The following ERP27 variants were observed in gnomAD, a reference collection of about 807,000 sequenced individuals.
The protein encoded by ERP27 is endoplasmic reticulum resident protein 27.
Under a neutral mutation model 27.7 loss-of-function variants are expected in ERP27, and 23 were observed. The observed-to-expected ratio is 0.83, with a 90% CI of 0.60 to 1.18. The LOEUF (loss-of-function observed/expected upper bound fraction) is 1.18. ERP27 is among the 50% of genes most tolerant of loss of function. The probability of loss-of-function intolerance (pLI) is 0.00; values close to 1 mark genes in which losing one functional copy is unlikely to be tolerated. For missense variants in ERP27, 363 were observed against 327.9 expected, an observed-to-expected ratio of 1.11 and a Z score of -0.83; for synonymous variants, 159 against 118.3, an observed-to-expected ratio of 1.34 and a Z score of -2.23.
At chr12:14,928,606 A>T (rs1353818390) in intron 3 of ERP27, among the ~76,000 whole-genome samples, 1 of 152,244 alleles carries the variant, frequency 6.6e-6, no homozygotes, top group African/African-American at 2.4e-5. Context: ...GGACTGCTTT[A>T]TACAATTTAA....
rs145378696 is a variant in ERP27 at position 14,936,331 on chromosome 12, G to A, written c.196-1338C>T. 3.3e-3 allele frequency among the ~76,000 whole-genome samples: 503 copies of A among 152,266 alleles called. 3 individuals carry two copies. Among genetic ancestry groups the A allele is most frequent in the African/African-American group, 0.011 (457 of 41,544 alleles). On this transcript the variant is annotated intron_variant, in intron 2 of 6. Transcript: ENST00000266397. ...CTTTGCACATGAAGATGCTGTTCAC[G>A]CATTCAACTCTGCAGCCCAGGCCTG...
At chr12:14,938,182 A>G in intron 1 of ERP27, 130 bp from the exon 2 acceptor site, 1 of 797,114 alleles carries the variant, frequency 1.3e-6, no homozygotes, top group Admixed American at 2.3e-5. Context: ...TACTGTTGGC[A>G]TTCCAAGGCA....
Position 14,924,739 on chromosome 12 carries a change from A to G in ERP27, c.334-3691T>C, listed in dbSNP as rs1863571428. ...CCATCTTGAATAGGGGATAGGAAAA[A>G]TGAGCTGAGACCTACTGGGCTGCAT... On this transcript the variant is annotated intron_variant, in intron 3 of 6. Transcript: ENST00000266397. Among the ~76,000 whole-genome samples the G allele has an allele frequency of 2.0e-5, 3 of 152,228 alleles. No individual in the cohort carries two copies. In the South Asian group the frequency reaches 6.2e-4, roughly 31 times the overall value.
intron 4 of ERP27, among the ~76,000 whole-genome samples, chr12:14,919,846 C>T (rs1056474460): frequency 6.6e-6 from 1 of 152,158 alleles, no homozygotes; most frequent in African/African-American, 2.4e-5. Context: ...TTAAATTATG[C>T]CTTTTCTATT....
chr12:14,928,834 ACCT>A, intron 3 of ERP27: 1 of 1,109,230 alleles, frequency 9.0e-7, no homozygotes, highest in Non-Finnish European at 1.3e-6. Flanking sequence ...CCCTCCTACC[ACCT>A]CCTTCCCCTT....
At chr12:14,922,902 C>G (rs1863528370) in intron 3 of ERP27, among the ~76,000 whole-genome samples, 1 of 152,062 alleles carries the variant, frequency 6.6e-6, no homozygotes, top group Non-Finnish European at 1.5e-5. Flanking sequence ...TGGTGAAACC[C>G]TGTCTCTACT....
In ERP27 at chr12:14,914,489, G is replaced by A. The variant is rs1449318470; in HGVS notation, c.*246C>T. On this transcript the variant is annotated 3_prime_UTR_variant, in exon 7 of 7. Coordinates refer to ENST00000266397, the MANE Select transcript of ERP27 (RefSeq NM_152321.4). ...TGCACGATAAGAAGGAAATTGGATA[G>A]GGAGTGAGGATATGAAATTTAAAAG... The A allele has an allele frequency of 6.1e-6, 3 of 494,904 alleles. No homozygotes were observed. The South Asian group carries it at 1.0e-4, about 17-fold the overall frequency. 30.7% of individuals were successfully genotyped at this position (494,904 alleles called of 1,614,324 possible).
chr12:14,930,211 A>C (rs1863678059), intron 3 of ERP27, among the ~76,000 whole-genome samples: 1 of 152,130 alleles, frequency 6.6e-6, no homozygotes, highest in Non-Finnish European at 1.5e-5. Flanking sequence ...TAAAATAAAA[A>C]ATGTTTTATA....
chr12:14,938,337 C>A (rs1863803148), intron 1 of ERP27, 78 bp downstream of exon 1: 6 of 1,437,296 alleles, frequency 4.2e-6, no homozygotes, highest in African/African-American at 1.4e-5. Context: ...GAAAAGTACC[C>A]AGAGAACCAC....
At chr12:14,917,685 T>G (rs569287245) in intron 4 of ERP27, among the ~76,000 whole-genome samples, 1 of 152,340 alleles carries the variant, frequency 6.6e-6, no homozygotes, top group Non-Finnish European at 1.5e-5. Context: ...GGCCAGGAAC[T>G]AAGTCCTTCT....
intron 5 of ERP27, among the ~76,000 whole-genome samples, chr12:14,916,407 T>C (rs766218600): frequency 6.6e-6 from 1 of 152,168 alleles, no homozygotes; most frequent in Non-Finnish European, 1.5e-5. Flanking sequence ...GTTTTCTCAT[T>C]GGCAAAATGG....
chr12:14,927,111 CTG>C (rs1259687620), intron 3 of ERP27, among the ~76,000 whole-genome samples: 1 of 152,110 alleles, frequency 6.6e-6, no homozygotes, highest in African/African-American at 2.4e-5. Context: ...CTGCATTCCA[CTG>C]TTGCTATTGA....
intron 3 of ERP27, chr12:14,929,115 C>T: frequency 1.3e-6 from 2 of 1,484,300 alleles, no homozygotes; most frequent in Non-Finnish European, 1.8e-6. Context: ...CCTCAGCTCA[C>T]ATCGCTGTGC....
chr12:14,926,319 G>C (rs1257630920), intron 3 of ERP27, among the ~76,000 whole-genome samples: 1 of 152,186 alleles, frequency 6.6e-6, no homozygotes, highest in African/African-American at 2.4e-5. Flanking sequence ...TCTTTTGGAA[G>C]TGTTTGCATG....
intron 3 of ERP27, among the ~76,000 whole-genome samples, chr12:14,933,746 C>T (rs1017984161): frequency 6.6e-6 from 1 of 152,218 alleles, no homozygotes; most frequent in Admixed American, 6.5e-5. Context: ...CATGACCTCA[C>T]TATTCTTAGA....
In ERP27 at chr12:14,935,000, A is replaced by G; in HGVS notation, c.196-7T>C. 3 of 1,613,250 alleles carry G rather than the reference A, an allele frequency of 1.9e-6. No homozygotes were observed. Among genetic ancestry groups the G allele is most frequent in the Non-Finnish European group, 2.5e-6 (3 of 1,179,578 alleles). On this transcript the variant is annotated splice_region_variant and splice_polypyrimidine_tract_variant and intron_variant, in intron 2 of 6. Coordinates refer to ENST00000266397, the MANE Select transcript of ERP27 (RefSeq NM_152321.4). The stretch of plus-strand genomic sequence containing the variant: ...CTGCTGGTATTTCTAAATCCTAAAA[A>G]CAAGAGAAAAAATAATACCACAGTG...
At chr12:14,917,146 T>A (rs373991011) in intron 5 of ERP27, 32 bp downstream of exon 5, 1 of 1,613,570 alleles carries the variant, frequency 6.2e-7, no homozygotes, top group South Asian at 1.1e-5. Flanking sequence ...TGGAGGTGTG[T>A]ATGCAATAGG....
At chr12:14,933,302 C>A (rs906210483) in intron 3 of ERP27, among the ~76,000 whole-genome samples, 1 of 152,068 alleles carries the variant, frequency 6.6e-6, no homozygotes, top group African/African-American at 2.4e-5. Flanking sequence ...ATTATAAAAG[C>A]AGCAGGAGGA....
chr12:14,928,000 T>A (rs1259223427), intron 3 of ERP27, among the ~76,000 whole-genome samples: 1 of 152,184 alleles, frequency 6.6e-6, no homozygotes, highest in African/African-American at 2.4e-5. Flanking sequence ...ACAAAGATAG[T>A]GCCTCCACCA....
Sources: allele counts gnomAD v4.1 joint callset (sites outside exome capture counted in the v4.1 genomes callset), GRCh38; gene constraint gnomAD v4.1.1; transcripts MANE v1.5; gene names NCBI Gene and HGNC (gene_info 2026-07-23, HGNC 2026-07-21).